The following BMPR1B variants were observed in gnomAD, a reference collection of about 807,000 sequenced individuals.
BMPR1B encodes bone morphogenetic protein receptor type 1B, also known as bone morphogenetic protein receptor type-1B.
A neutral mutation model predicts 59.1 loss-of-function variants in BMPR1B; 12 were observed. That is an observed-to-expected ratio of 0.20 (90% CI 0.13 to 0.33). The LOEUF is 0.33. BMPR1B is among the 10% of genes least tolerant of loss of function. The pLI is 1.00. For synonymous variants in BMPR1B, 237 were observed against 207.3 expected, an observed-to-expected ratio of 1.14 and a Z score of -1.23; for missense variants, 550 against 610.9, an observed-to-expected ratio of 0.90 and a Z score of 1.05.
intron 2 of BMPR1B, among the ~76,000 whole-genome samples, chr4:94,942,338 TA>T (rs1413727263): frequency 1.3e-5 from 2 of 152,248 alleles, no homozygotes; most frequent in African/African-American, 4.8e-5. Context: ...AACATGTCTT[TA>T]TATAATTTCT....
At chr4:94,786,571 C>T (rs1722770433) in intron 1 of BMPR1B, among the ~76,000 whole-genome samples, 1 of 152,168 alleles carries the variant, frequency 6.6e-6, no homozygotes, top group Non-Finnish European at 1.5e-5. Context: ...CGGAGTCTCG[C>T]TCTGTTGCCC....
chr4:94,844,342 T>G (rs6812504), intron 1 of BMPR1B, among the ~76,000 whole-genome samples: 93,035 of 151,660 alleles, frequency 0.61, 29,534 homozygotes, highest in African/African-American at 0.78. Flanking sequence ...AAACAGAAAC[T>G]AATCTTAAGG....
intron 1 of BMPR1B, among the ~76,000 whole-genome samples, chr4:94,827,615 A>T (rs1724431274): frequency 6.6e-6 from 1 of 152,200 alleles, no homozygotes; most frequent in Admixed American, 6.5e-5. Context: ...GCCTTTGTTC[A>T]GCATTTTTCC....
intron 1 of BMPR1B, among the ~76,000 whole-genome samples, chr4:94,780,682 C>CTTTTTTTTTTT (rs869117575): frequency 2.4e-5 from 2 of 82,342 alleles, no homozygotes; most frequent in African/African-American, 5.1e-5. Context: ...GTATTATTGT[C>CTTTTTTTTTTT]TTTTTTTTTT....
At chr4:94,944,976 C>T (rs918081124) in intron 2 of BMPR1B, among the ~76,000 whole-genome samples, 1 of 152,106 alleles carries the variant, frequency 6.6e-6, no homozygotes, top group Non-Finnish European at 1.5e-5. Flanking sequence ...CAGCTCTATA[C>T]AAGTGATGGG....
chr4:94,972,495 T>C (rs1730846382), intron 2 of BMPR1B, among the ~76,000 whole-genome samples: 1 of 152,164 alleles, frequency 6.6e-6, no homozygotes, highest in South Asian at 2.1e-4. Flanking sequence ...GTTCATAATA[T>C]TATATTGTAT....
rs200385642 is a variant in BMPR1B at position 95,072,816 on chromosome 4, AATC to A, written c.-17-31589_-17-31587del. On this transcript the variant is annotated intron_variant, in intron 3 of 12. Transcript: ENST00000515059. ...AAGAAGCAAAACAAATTATTTCATTAATCATTTTTAATTAAAAATTTTAAAAAA... is the reference window on the plus strand; with the variant it reads ...AAGAAGCAAAACAAATTATTTCATTAATTTTTAATTAAAAATTTTAAAAAA... 1.4e-3 allele frequency among the ~76,000 whole-genome samples: 214 copies of A among 152,326 alleles called. 3 individuals are homozygous for A. The East Asian group carries it at 0.036, about 26-fold the overall frequency.
At chr4:94,775,980 A>G (rs1437814558) in intron 1 of BMPR1B, among the ~76,000 whole-genome samples, 1 of 151,462 alleles carries the variant, frequency 6.6e-6, no homozygotes, top group Non-Finnish European at 1.5e-5. Context: ...AGTCCCAGCT[A>G]CTCGGGAGAC....
intron 2 of BMPR1B, among the ~76,000 whole-genome samples, chr4:94,991,590 T>C (rs1721764468): frequency 1.3e-5 from 2 of 151,966 alleles, no homozygotes; most frequent in African/African-American, 4.8e-5. Context: ...ATATAGCAAA[T>C]AGAAGGATAC....
intron 1 of BMPR1B, among the ~76,000 whole-genome samples, chr4:94,774,749 G>A (rs1401328007): frequency 1.3e-5 from 2 of 151,948 alleles, no homozygotes; most frequent in Non-Finnish European, 2.9e-5. Context: ...TGAATTGTTA[G>A]TGTGCTTCCA....
intron 2 of BMPR1B, among the ~76,000 whole-genome samples, chr4:94,879,877 T>A (rs1018351233): frequency 7.2e-5 from 11 of 152,194 alleles, no homozygotes; most frequent in African/African-American, 2.7e-4. Flanking sequence ...AAAAACAATG[T>A]ATATTGAAAA....
intron 2 of BMPR1B, among the ~76,000 whole-genome samples, chr4:94,942,674 C>A (rs1729564516): frequency 6.6e-6 from 1 of 152,164 alleles, no homozygotes; most frequent in Admixed American, 6.5e-5. Context: ...ATAGCTGATA[C>A]CAAATTTAAC....
chr4:95,088,155 T>G (rs1729729207), intron 3 of BMPR1B, among the ~76,000 whole-genome samples: 1 of 152,188 alleles, frequency 6.6e-6, no homozygotes, highest in South Asian at 2.1e-4. Context: ...TGCAATCTAT[T>G]TAATTGAGAC....
At position 95,102,286 on chromosome 4, in the gene BMPR1B, T is replaced by C. The variant is rs114380839; in HGVS notation, c.-17-2122T>C. ...ACATGAGGATATTTTCTTTTCTACT[T>C]TAGACCATTTGGTGTCAGTGTTCCA... On this transcript the variant is annotated intron_variant, in intron 3 of 12. Coordinates refer to ENST00000515059, the MANE Select transcript of BMPR1B (RefSeq NM_001203.3). 6.3e-3 allele frequency among the ~76,000 whole-genome samples: 965 copies of C among 152,330 alleles called. 12 individuals are homozygous for C. The highest frequency in any genetic ancestry group is 0.021 in the African/African-American group (888 of 41,578).
chr4:94,944,643 A>T (rs1729641351), intron 2 of BMPR1B, among the ~76,000 whole-genome samples: 1 of 152,212 alleles, frequency 6.6e-6, no homozygotes, highest in Non-Finnish European at 1.5e-5. Flanking sequence ...CGGTGAAATG[A>T]TGATGATGTT....
intron 3 of BMPR1B, among the ~76,000 whole-genome samples, chr4:95,054,965 T>C (rs1295266495): frequency 6.6e-6 from 1 of 152,194 alleles, no homozygotes; most frequent in East Asian, 1.9e-4. Flanking sequence ...AAAATAATGC[T>C]AATAGGCTAT....
At chr4:95,059,927 C>G (rs1307857209) in intron 3 of BMPR1B, among the ~76,000 whole-genome samples, 1 of 152,130 alleles carries the variant, frequency 6.6e-6, no homozygotes, top group Non-Finnish European at 1.5e-5. Flanking sequence ...TTTTCTGCCT[C>G]TTTTTGGCCT....
rs979323132 is a variant in BMPR1B, at chr4:95,155,838, C to T, written c.*1165C>T. 1 of 152,236 alleles carries T rather than the reference C, an allele frequency of 6.6e-6. No homozygotes were observed. The highest frequency in any genetic ancestry group is 6.5e-5 in the Admixed American group (1 of 15,284). The allele number at this position is 152,236 out of a possible 1,614,324, so 9.4% of individuals were successfully genotyped here. A position where few individuals can be genotyped will look rare whatever the true frequency, so the allele number is the denominator to read the frequency against. ...TAAGGGATAGAGAGGAAACATCCGT[C>T]AGGCTAATTTAACTACATTTTATTT... is the stretch of plus-strand genomic sequence containing the variant. On this transcript the variant is annotated 3_prime_UTR_variant, in exon 13 of 13. Coordinates refer to ENST00000515059, the MANE Select transcript of BMPR1B (RefSeq NM_001203.3).
intron 1 of BMPR1B, among the ~76,000 whole-genome samples, chr4:94,774,464 G>GT (rs1188324667): frequency 1.3e-5 from 2 of 151,958 alleles, no homozygotes; most frequent in Non-Finnish European, 2.9e-5. Flanking sequence ...GTGAAACAGG[G>GT]TAAGGCAAAT....
Sources: gnomAD v4.1 joint callset for allele counts (sites outside exome capture counted in the v4.1 genomes callset) on GRCh38, gnomAD v4.1.1 for gene constraint, MANE v1.5 for transcripts, NCBI Gene and HGNC (gene_info 2026-07-23, HGNC 2026-07-21) for gene names.